The following SUN5 variants were observed in gnomAD, a reference collection of about 807,000 sequenced individuals.
SUN5 encodes Sad1 and UNC84 domain containing 5.
A neutral mutation model predicts 53.7 loss-of-function variants in SUN5; 44 were observed. The observed-to-expected ratio is 0.82, with a 90% confidence interval of 0.64 to 1.05. The LOEUF is 1.05. SUN5 is among the 50% of genes least tolerant of loss of function. The probability of loss-of-function intolerance (pLI) is 0.00; values close to 1 mark genes in which losing one functional copy is unlikely to be tolerated. For missense variants in SUN5, 433 were observed against 483.8 expected (o/e 0.90, Z 0.98); for synonymous variants, 166 against 179.8 (o/e 0.92, Z 0.62).
intron 8 of SUN5, among the ~76,000 whole-genome samples, chr20:32,992,975 A>G (rs2146330235): frequency 6.6e-6 from 1 of 152,348 alleles, no homozygotes; most frequent in African/African-American, 2.4e-5. Flanking sequence ...TTGAAAAACT[A>G]TTTGGCAGCA....
At position 32,995,688 on chromosome 20, in the gene SUN5, G is replaced by T. The variant is rs1364534213; in HGVS notation, c.465C>A (p.Ile155=). Residue 155 remains isoleucine, a synonymous_variant, in exon 8 of 13, where the codon ATC becomes ATA. Transcript: ENST00000356173. The stretch of plus-strand genomic sequence containing the variant: ...GGTTCATGCTACCTCGGAGGTCCTG[G>T]ATTTCCCCACTGTGATGTCGCACCT... ...QEKVRHHSGE[I]QDLRGSMNQL... 6.2e-7 allele frequency: 1 copy of T among 1,614,154 alleles called. No homozygotes were observed. Among genetic ancestry groups the T allele is most frequent in the South Asian group, 1.1e-5 (1 of 91,076 alleles).
At chr20:32,999,576 G>A (rs1018418242) in intron 5 of SUN5, among the ~76,000 whole-genome samples, 3 of 152,218 alleles carry the variant, frequency 2.0e-5, no homozygotes, top group Non-Finnish European at 4.4e-5. Flanking sequence ...TGGCAACAGA[G>A]TGAGACTCTG....
chr20:32,986,286 A>C (rs1871107982), intron 10 of SUN5, among the ~76,000 whole-genome samples: 1 of 152,184 alleles, frequency 6.6e-6, no homozygotes, highest in African/African-American at 2.4e-5. Flanking sequence ...GAAGGTGAGG[A>C]AACTGAGTTG....
intron 6 of SUN5, 116 bp downstream of exon 6, chr20:32,997,522 A>C: frequency 1.9e-6 from 2 of 1,052,714 alleles, no homozygotes; most frequent in Admixed American, 4.4e-5. Context: ...ATCTGGGTCA[A>C]GTCAGGAACT....
rs746114125 is a variant in SUN5 at position 33,004,378 on chromosome 20, C to A, written c.-38G>T. 152 of 1,525,040 alleles carry A rather than the reference C, an allele frequency of 1.0e-4. No homozygotes were observed. Among genetic ancestry groups the A allele is most frequent in the Non-Finnish European group, 7.9e-6 (9 of 1,134,232 alleles). 94.5% of individuals were successfully genotyped at this position (1,525,040 alleles called of 1,614,324 possible). A position where few individuals can be genotyped will look rare whatever the true frequency, so the allele number is the denominator to read the frequency against. On this transcript the variant is annotated 5_prime_UTR_variant, in exon 1 of 13. Coordinates refer to ENST00000356173, the MANE Select transcript of SUN5 (RefSeq NM_080675.4). ...TTAGGATTGGGGATGGAGATGGGAA[C>A]TCTGGGAGCTGGTGAGGAGGAAGGG...
intron 8 of SUN5, among the ~76,000 whole-genome samples, chr20:32,992,740 A>G (rs1600494390): frequency 6.6e-6 from 1 of 152,328 alleles, no homozygotes; most frequent in South Asian, 2.1e-4. Flanking sequence ...CGACATATCA[A>G]TAAGAAATGG....
At chr20:32,989,920 T>C (rs931921119) in intron 8 of SUN5, among the ~76,000 whole-genome samples, 4 of 152,130 alleles carry the variant, frequency 2.6e-5, no homozygotes, top group African/African-American at 7.2e-5. Flanking sequence ...TGTGACCAGA[T>C]GTCATATGGA....
At chr20:32,989,815 C>T in intron 8 of SUN5, 117 bp from the exon 9 acceptor site, 1 of 831,648 alleles carries the variant, frequency 1.2e-6, no homozygotes, top group Non-Finnish European at 2.0e-6. Flanking sequence ...TAACAGCCCA[C>T]CCCTGCCTGT....
chr20:32,983,995 C>A (rs962420270), intron 12 of SUN5, 46 bp from the exon 13 acceptor site: 2 of 1,464,568 alleles, frequency 1.4e-6, no homozygotes, highest in Admixed American at 2.4e-5. Context: ...TAGACTCCCA[C>A]CCTGCCTTTC....
chr20:32,999,290 C>A (rs1989934719), intron 5 of SUN5, among the ~76,000 whole-genome samples: 1 of 152,106 alleles, frequency 6.6e-6, no homozygotes, highest in Non-Finnish European at 1.5e-5. Context: ...TTTCTAATAG[C>A]GTCACAATAA....
In SUN5 at chr20:32,997,004, T is replaced by G. The variant is rs189248439; in HGVS notation, c.390+634A>C. 2.8e-3 allele frequency among the ~76,000 whole-genome samples: 430 copies of G among 152,290 alleles called. 1 individual carries two copies. The highest frequency in any genetic ancestry group is 9.3e-3 in the African/African-American group (385 of 41,552). On this transcript the variant is annotated intron_variant, in intron 6 of 12. Transcript: ENST00000356173. ...GCTCCTTCCTTCAAGAAGCTGCCAG[T>G]ACAGTTGGAGAGACAGTCATGACCA...
At chr20:33,001,960 C>A (rs1298279526) in intron 3 of SUN5, among the ~76,000 whole-genome samples, 1 of 152,134 alleles carries the variant, frequency 6.6e-6, no homozygotes, top group Non-Finnish European at 1.5e-5. Context: ...CCAATAAACA[C>A]TTAATCGTGA....
intron 10 of SUN5, among the ~76,000 whole-genome samples, chr20:32,987,061 G>A (rs1188410837): frequency 2.0e-5 from 3 of 152,200 alleles, no homozygotes; most frequent in East Asian, 1.9e-4. Context: ...TGTGCCACTG[G>A]GATGACACTC....
chr20:33,001,826 GC>G (rs1325485383), intron 3 of SUN5, among the ~76,000 whole-genome samples: 1 of 151,796 alleles, frequency 6.6e-6, no homozygotes, highest in African/African-American at 2.4e-5. Flanking sequence ...GTGCCACCAC[GC>G]CCGGCTAATT....
chr20:32,989,581 A>G (rs1568964354), intron 9 of SUN5, 39 bp downstream of exon 9: 2 of 1,586,044 alleles, frequency 1.3e-6, no homozygotes, highest in Admixed American at 3.3e-5. Flanking sequence ...TTCCCAGGAC[A>G]CTTGAGGCAG....
chr20:32,984,084 C>A, intron 12 of SUN5, 135 bp from the exon 13 acceptor site: 1 of 1,075,556 alleles, frequency 9.3e-7, no homozygotes, highest in Non-Finnish European at 1.3e-6. Flanking sequence ...TGGACTGTCC[C>A]AAGGCCTCAC....
chr20:32,985,303 G>T (rs1454532214), intron 11 of SUN5, 118 bp from the exon 12 acceptor site: 3 of 868,932 alleles, frequency 3.5e-6, no homozygotes, highest in Non-Finnish European at 3.7e-6. Flanking sequence ...ACCTCTTTGG[G>T]CACCGTTTCA....
chr20:32,998,989 T>G (rs1989926279), intron 5 of SUN5, among the ~76,000 whole-genome samples: 2 of 152,136 alleles, frequency 1.3e-5, no homozygotes, highest in African/African-American at 2.4e-5. Flanking sequence ...GAGCTATGAT[T>G]GCACCACTGC....
chr20:33,002,102 G>C (rs1333862115), intron 3 of SUN5, among the ~76,000 whole-genome samples: 1 of 152,188 alleles, frequency 6.6e-6, no homozygotes, highest in Admixed American at 6.5e-5. Flanking sequence ...AGGGGACTCA[G>C]AATTGACAGG....
Sources: allele counts gnomAD v4.1 joint callset (sites outside exome capture counted in the v4.1 genomes callset), GRCh38; gene constraint gnomAD v4.1.1; transcripts MANE v1.5; gene names NCBI Gene and HGNC (gene_info 2026-07-23, HGNC 2026-07-21).